Variants in NAA11 observed in about 807,000 individuals in gnomAD.
The protein encoded by NAA11 is N-alpha-acetyltransferase 11, NatA catalytic subunit.
In NAA11, 15 loss-of-function variants were observed where a neutral mutation model predicts 16.1. That is an observed-to-expected ratio of 0.93 (90% CI 0.62 to 1.44). The LOEUF (loss-of-function observed/expected upper bound fraction) is 1.44. NAA11 is among the 40% of genes most tolerant of loss of function. The pLI, the probability that NAA11 is intolerant of heterozygous loss-of-function variation, is 0.00. For missense variants in NAA11, 298 were observed against 291.3 expected, an observed-to-expected ratio of 1.02 and a Z score of -0.17; for synonymous variants, 122 against 112.4, an observed-to-expected ratio of 1.09 and a Z score of -0.54.
intron 2 of NAA11, among the ~76,000 whole-genome samples, chr4:79,262,764 A>G (rs957652221): frequency 3.3e-5 from 5 of 152,160 alleles, no homozygotes; most frequent in African/African-American, 4.8e-5. Context: ...AACACACCCA[A>G]GTTTATGTAG....
chr4:79,315,491 G>A (rs371096937), downstream of NAA11, among the ~76,000 whole-genome samples: 11 of 152,224 alleles, frequency 7.2e-5, no homozygotes, highest in African/African-American at 1.7e-4. Context: ...CAAAGAAAAC[G>A]TAGTGAGCTG....
chr4:79,252,263 C>A (rs1722013730), intron 2 of NAA11, among the ~76,000 whole-genome samples: 1 of 152,086 alleles, frequency 6.6e-6, no homozygotes, highest in African/African-American at 2.4e-5. Flanking sequence ...GATGGGTACC[C>A]TAAAAGCCCA....
At chr4:79,188,665 G>A in the NAA11 span, among the ~76,000 whole-genome samples, 1 of 151,880 alleles carries the variant, frequency 6.6e-6, no homozygotes, top group African/African-American at 2.4e-5. Context: ...TTTACACTTC[G>A]GAGATATAAA....
chr4:79,207,105 G>C, the NAA11 span, among the ~76,000 whole-genome samples: 1 of 151,884 alleles, frequency 6.6e-6, no homozygotes, highest in Non-Finnish European at 1.5e-5. Context: ...TTTTGGAGGA[G>C]TCTTTAGGAT....
intron 1 of NAA11, among the ~76,000 whole-genome samples, chr4:79,300,835 T>C (rs1408678120): frequency 6.6e-6 from 1 of 152,164 alleles, no homozygotes; most frequent in Non-Finnish European, 1.5e-5. Context: ...GATATTAAAA[T>C]TAGAGAAGCC....
intron 1 of NAA11, among the ~76,000 whole-genome samples, chr4:79,304,031 T>C (rs1578188876): frequency 1.3e-5 from 2 of 152,330 alleles, no homozygotes; most frequent in South Asian, 2.1e-4. Context: ...TAGTGACAGC[T>C]CGACAGCTCT....
the NAA11 span, among the ~76,000 whole-genome samples, chr4:79,166,242 C>T: frequency 6.6e-5 from 10 of 152,072 alleles, no homozygotes; most frequent in African/African-American, 2.4e-4. Context: ...GCTCTCTAAC[C>T]ACGGTTTTTT....
At chr4:79,313,405 C>T (rs376403639), downstream of NAA11, among the ~76,000 whole-genome samples, 2 of 152,104 alleles carry the variant, frequency 1.3e-5, no homozygotes, top group African/African-American at 2.4e-5. Flanking sequence ...TGTTGGACTC[C>T]GCACTCTGTG....
Position 79,265,103 on chromosome 4 carries a change from G to A in NAA11, c.*122+28902C>T, listed in dbSNP as rs528035497. Among the ~76,000 whole-genome samples, 26 of 152,156 alleles carry A rather than the reference G, an allele frequency of 1.7e-4. No individual in the cohort carries two copies. In the South Asian group the frequency reaches 3.3e-3, roughly 19 times the overall value. On this transcript the variant is annotated intron_variant and NMD_transcript_variant, in intron 2 of 2. Transcript: ENST00000511542. ...GGCAATCCCATCCTCCCAGTTGGTC[G>A]GATAAAGTATCTGGAGTCATCCTCA...
intron 2 of NAA11, among the ~76,000 whole-genome samples, chr4:79,266,277 C>A (rs1316937153): frequency 6.6e-6 from 1 of 152,208 alleles, no homozygotes; most frequent in East Asian, 1.9e-4. Context: ...CTCACTCACA[C>A]AGAGCAGTAG....
the NAA11 span, among the ~76,000 whole-genome samples, chr4:79,195,104 T>C: frequency 6.6e-6 from 1 of 152,114 alleles, no homozygotes; most frequent in Admixed American, 6.6e-5. Context: ...AAATCACACA[T>C]TCCCATCATT....
Position 79,226,998 on chromosome 4 carries a change from C to T in NAA11, c.*123-728G>A, listed in dbSNP as rs571689783. Among the ~76,000 whole-genome samples the T allele has an allele frequency of 1.3e-4, 20 of 152,188 alleles. No individual in the cohort carries two copies. In the East Asian group the frequency reaches 3.7e-3, roughly 28 times the overall value. ...TTCTAGTTCTAGATCCCTGAGGAAT[C>T]GCCACACTGTCTTTCACAATGGTTG... On this transcript the variant is annotated intron_variant and NMD_transcript_variant, in intron 2 of 2. Transcript: ENST00000511542.
chr4:79,250,942 T>C (rs994906643), intron 2 of NAA11, among the ~76,000 whole-genome samples: 2 of 152,186 alleles, frequency 1.3e-5, no homozygotes, highest in African/African-American at 4.8e-5. Flanking sequence ...CTAGTCAGAA[T>C]GGCTATAATT....
intron 2 of NAA11, among the ~76,000 whole-genome samples, chr4:79,231,984 A>G (rs1721477021): frequency 1.3e-5 from 2 of 151,844 alleles, no homozygotes; most frequent in South Asian, 4.1e-4. Context: ...ATATTTAGTG[A>G]CATTAAAAAT....
chr4:79,158,698 G>GATAT, the NAA11 span, among the ~76,000 whole-genome samples: 3,698 of 112,044 alleles, frequency 0.033, 317 homozygotes, highest in African/African-American at 0.041. Flanking sequence ...CACATTACCT[G>GATAT]ATATATATAT....
chr4:79,207,558 T>C, the NAA11 span, among the ~76,000 whole-genome samples: 1 of 152,056 alleles, frequency 6.6e-6, no homozygotes, highest in South Asian at 2.1e-4. Flanking sequence ...GCTGGCATGG[T>C]AATCTTGGAC....
At chr4:79,186,138 T>C in the NAA11 span, among the ~76,000 whole-genome samples, 1 of 152,180 alleles carries the variant, frequency 6.6e-6, no homozygotes, top group Non-Finnish European at 1.5e-5. Context: ...CAGAAAACAT[T>C]GTGCTGAAAA....
intron 2 of NAA11, among the ~76,000 whole-genome samples, chr4:79,239,714 T>G (rs993087628): frequency 1.3e-5 from 2 of 151,872 alleles, no homozygotes; most frequent in African/African-American, 4.8e-5. Flanking sequence ...AAAAAAAATG[T>G]TTGTGAATGG....
the NAA11 span, among the ~76,000 whole-genome samples, chr4:79,167,188 TATATATATACATAC>T: frequency 7.1e-5 from 5 of 70,064 alleles, no homozygotes; most frequent in South Asian, 1.3e-3. Flanking sequence ...CAACTTATTT[TATATATATACATAC>T]ATATATATAC....
Sources: gnomAD v4.1 joint callset for allele counts (sites outside exome capture counted in the v4.1 genomes callset) on GRCh38, gnomAD v4.1.1 for gene constraint, MANE v1.5 for transcripts, NCBI Gene and HGNC (gene_info 2026-07-23, HGNC 2026-07-21) for gene names.